CORIN: variants seen among roughly 807,000 people sequenced by gnomAD.
CORIN encodes atrial natriuretic peptide-converting enzyme.
Under a neutral mutation model 125.3 loss-of-function variants are expected in CORIN, and 117 were observed. The ratio of observed to expected loss-of-function variants is 0.93; its 90% confidence interval spans 0.80 to 1.09. The LOEUF (loss-of-function observed/expected upper bound fraction) is 1.09. Ranked by LOEUF, CORIN falls within the 50% of genes least tolerant of loss-of-function variation. The pLI, the probability that CORIN is intolerant of heterozygous loss-of-function variation, is 0.00. For missense variants in CORIN, 1,253 were observed against 1,306.7 expected (o/e 0.96, Z 0.63); for synonymous variants, 450 against 466.4 (o/e 0.96, Z 0.45).
intron 15 of CORIN, 44 bp from the exon 16 acceptor site, chr4:47,642,093 C>A: frequency 6.3e-7 from 1 of 1,595,972 alleles, no homozygotes; most frequent in Non-Finnish European, 8.5e-7. Context: ...AAAAACATTT[C>A]TTCCCATGAA....
chr4:47,619,590 T>A (rs1274031230), intron 19 of CORIN, among the ~76,000 whole-genome samples: 3 of 152,238 alleles, frequency 2.0e-5, no homozygotes, highest in Admixed American at 2.0e-4. Context: ...AAATTTAGTG[T>A]TTCATGAAAC....
At chr4:47,774,198 G>A (rs948472758) in intron 3 of CORIN, among the ~76,000 whole-genome samples, 1 of 152,102 alleles carries the variant, frequency 6.6e-6, no homozygotes, top group Non-Finnish European at 1.5e-5. Flanking sequence ...TGATGGCAGC[G>A]GTGGCCCATC....
At chr4:47,622,866 A>G (rs1283382538) in intron 19 of CORIN, among the ~76,000 whole-genome samples, 1 of 151,886 alleles carries the variant, frequency 6.6e-6, no homozygotes, top group Non-Finnish European at 1.5e-5. Flanking sequence ...GTTTGTCATC[A>G]TTGTTTTGTC....
At chr4:47,771,511 G>A (rs964556002) in intron 3 of CORIN, among the ~76,000 whole-genome samples, 2 of 152,016 alleles carry the variant, frequency 1.3e-5, no homozygotes, top group African/African-American at 4.8e-5. Flanking sequence ...GTGTCATGGG[G>A]GGCTGTCATA....
rs1235694928 is a variant in CORIN, at chr4:47,794,690, T to C, written c.209-7765A>G. On this transcript the variant is annotated intron_variant, in intron 2 of 21. Transcript: ENST00000273857. Reference sequence around the variant, plus strand: ...GTGAATAAATTGAGATGAAGAATAGTTTGAAAAAACTAATTCAGACCATAC... The same window carrying C: ...GTGAATAAATTGAGATGAAGAATAGCTTGAAAAAACTAATTCAGACCATAC... Among the ~76,000 whole-genome samples the C allele has an allele frequency of 3.3e-5, 5 of 152,102 alleles. No individual in the cohort carries two copies. In the East Asian group the frequency reaches 9.6e-4, roughly 29 times the overall value.
At chr4:47,831,865 T>A (rs1733024814) in intron 1 of CORIN, among the ~76,000 whole-genome samples, 1 of 152,008 alleles carries the variant, frequency 6.6e-6, no homozygotes, top group African/African-American at 2.4e-5. Flanking sequence ...CCAATATGAC[T>A]GATGTTCTTA....
At chr4:47,789,731 T>TCCG (rs1412875692) in intron 2 of CORIN, among the ~76,000 whole-genome samples, 1 of 151,986 alleles carries the variant, frequency 6.6e-6, no homozygotes, top group Non-Finnish European at 1.5e-5. Context: ...GCTATAAAAA[T>TCCG]GCTAAGAGGC....
chr4:47,773,910 A>G (rs1003037772), intron 3 of CORIN, among the ~76,000 whole-genome samples: 1 of 151,716 alleles, frequency 6.6e-6, no homozygotes, highest in Non-Finnish European at 1.5e-5. Context: ...GATAAAAGGT[A>G]TATTTATTAT....
In CORIN at chr4:47,603,631, T is replaced by A. The variant is rs750452719; in HGVS notation, c.2578A>T (p.Ile860Phe). 53 of 1,614,050 alleles carry A rather than the reference T, an allele frequency of 3.3e-5. No individual in the cohort carries two copies. The South Asian group carries it at 5.4e-4, about 16-fold the overall frequency. ...NAAVWKVVLG[I>F]NNLDHPSVFM... ...ACTGATGGATGGTCTAGATTGTTGATGCCAAGCACCACTTTCCAAACTGCA... is the reference window on the plus strand; with the variant it reads ...ACTGATGGATGGTCTAGATTGTTGAAGCCAAGCACCACTTTCCAAACTGCA... The change falls in exon 20 of 22, where the codon ATC becomes TTC. Residue 860 changes from isoleucine to phenylalanine, a missense_variant. Coordinates refer to ENST00000273857, the MANE Select transcript of CORIN (RefSeq NM_006587.4).
chr4:47,672,186 T>C (rs900685351), intron 10 of CORIN, among the ~76,000 whole-genome samples: 18 of 152,192 alleles, frequency 1.2e-4, no homozygotes, highest in Non-Finnish European at 7.3e-5. Context: ...TCTCCACCAC[T>C]AGAAAGCCCA....
chr4:47,674,548 C>T, intron 9 of CORIN, 48 bp from the exon 10 acceptor site: 2 of 1,125,084 alleles, frequency 1.8e-6, no homozygotes, highest in Non-Finnish European at 2.7e-6. Context: ...CTACAAATTC[C>T]TTACCTAAGG....
At chr4:47,640,811 T>A (rs370122201) in intron 16 of CORIN, among the ~76,000 whole-genome samples, 3 of 152,212 alleles carry the variant, frequency 2.0e-5, no homozygotes, top group East Asian at 3.8e-4. Context: ...TTCAACCTTA[T>A]ACCAATAAGG....
chr4:47,711,909 G>A (rs1178125691), intron 5 of CORIN, among the ~76,000 whole-genome samples: 6 of 152,182 alleles, frequency 3.9e-5, no homozygotes, highest in Admixed American at 6.5e-5. Flanking sequence ...AGCTATAAAC[G>A]TGACAGACTT....
intron 5 of CORIN, among the ~76,000 whole-genome samples, chr4:47,717,948 T>C (rs750060144): frequency 9.9e-5 from 15 of 151,978 alleles, no homozygotes; most frequent in Non-Finnish European, 1.8e-4. Context: ...ACCGAAGTGA[T>C]AAACTGGCAA....
At chr4:47,641,808 G>A (rs1723239845) in intron 16 of CORIN, 112 bp downstream of exon 16, 1 of 1,298,310 alleles carries the variant, frequency 7.7e-7, no homozygotes. Flanking sequence ...GGGTTTTGAA[G>A]GACTCTTTGT....
chr4:47,645,843 A>G (rs1723448330), intron 13 of CORIN, among the ~76,000 whole-genome samples: 1 of 152,144 alleles, frequency 6.6e-6, no homozygotes, highest in African/African-American at 2.4e-5. Context: ...CCGAGATTGC[A>G]CAACTGCACT....
At position 47,691,673 on chromosome 4, in the gene CORIN, C is replaced by T. The variant is rs548155469; in HGVS notation, c.913+1297G>A. Among the ~76,000 whole-genome samples, 6 of 151,312 alleles carry T rather than the reference C, an allele frequency of 4.0e-5. No individual in the cohort carries two copies. In the East Asian group the frequency reaches 1.2e-3, roughly 29 times the overall value. ...TTAAAACTACAGAATTTCTCAGAAC[C>T]TCTAATATACAAATGTGTATTCTAA... On this transcript the variant is annotated intron_variant, in intron 6 of 21. Transcript: ENST00000273857.
At chr4:47,721,833 A>G (rs565323536) in intron 5 of CORIN, among the ~76,000 whole-genome samples, 2 of 152,296 alleles carry the variant, frequency 1.3e-5, no homozygotes, top group East Asian at 3.9e-4. Flanking sequence ...ATTAAACACT[A>G]TTAGGAAAAC....
intron 5 of CORIN, among the ~76,000 whole-genome samples, chr4:47,715,610 G>C (rs113368772): frequency 1.3e-3 from 198 of 152,164 alleles, no homozygotes; most frequent in African/African-American, 4.4e-3. Flanking sequence ...AAAAAAAAAG[G>C]GGGGGAGCAT....
Sources: gnomAD v4.1 joint callset for allele counts (sites outside exome capture counted in the v4.1 genomes callset) on GRCh38, gnomAD v4.1.1 for gene constraint, MANE v1.5 for transcripts, NCBI Gene and HGNC (gene_info 2026-07-23, HGNC 2026-07-21) for gene names.